Variants in AUTS2 observed in about 807,000 individuals in gnomAD.
The protein encoded by AUTS2 is activator of transcription and developmental regulator AUTS2.
A neutral mutation model predicts 112.4 loss-of-function variants in AUTS2; 17 were observed. The observed-to-expected ratio is 0.15, with a 90% CI of 0.10 to 0.23. AUTS2 has a LOEUF of 0.23. Among genes scored for constraint, AUTS2 ranks in the 10% least tolerant of loss-of-function variants. The probability of loss-of-function intolerance (pLI) is 1.00; values close to 1 mark genes in which losing one functional copy is unlikely to be tolerated. For synonymous variants in AUTS2, 751 were observed against 702.7 expected, an observed-to-expected ratio of 1.07 and a Z score of -1.09; for missense variants, 1,510 against 1,701.6, an observed-to-expected ratio of 0.89 and a Z score of 1.98.
intron 4 of AUTS2, among the ~76,000 whole-genome samples, chr7:70,244,138 GA>G (rs1584924870): frequency 6.6e-6 from 1 of 151,960 alleles, no homozygotes; most frequent in East Asian, 1.9e-4. Context: ...ATAGAAAGAA[GA>G]AAAAGTTATT....
At chr7:70,205,032 ATTGTT>A (rs533797328) in intron 4 of AUTS2, among the ~76,000 whole-genome samples, 40 of 152,020 alleles carry the variant, frequency 2.6e-4, no homozygotes, top group Non-Finnish European at 4.9e-4. Flanking sequence ...AAGTATCTGC[ATTGTT>A]TTGTTTGGTT....
chr7:70,181,469 C>G (rs1809296730), intron 4 of AUTS2, among the ~76,000 whole-genome samples: 1 of 151,614 alleles, frequency 6.6e-6, no homozygotes, highest in Admixed American at 6.6e-5. Context: ...TTTCACAGTT[C>G]TGCTAAAGTT....
chr7:70,407,942 T>C (rs1478483017), intron 4 of AUTS2, among the ~76,000 whole-genome samples: 1 of 151,558 alleles, frequency 6.6e-6, no homozygotes, highest in Non-Finnish European at 1.5e-5. Context: ...TAGTCCCAGC[T>C]ACTCGGGAGG....
At chr7:70,693,757 G>A (rs1025020078) in intron 5 of AUTS2, among the ~76,000 whole-genome samples, 4 of 152,242 alleles carry the variant, frequency 2.6e-5, no homozygotes, top group African/African-American at 9.6e-5. Flanking sequence ...CGGGCCTAGT[G>A]GCCTTTCCCT....
At chr7:69,683,522 A>G (rs371477220) in intron 1 of AUTS2, among the ~76,000 whole-genome samples, 29 of 152,240 alleles carry the variant, frequency 1.9e-4, no homozygotes, top group African/African-American at 6.3e-4. Context: ...CTGTAATACC[A>G]TGATTGTGCC....
At chr7:70,078,699 G>T (rs1467384623) in intron 2 of AUTS2, among the ~76,000 whole-genome samples, 1 of 152,216 alleles carries the variant, frequency 6.6e-6, no homozygotes, top group South Asian at 2.1e-4. Context: ...CCCCTGAAGG[G>T]AGAAAGGAAG....
chr7:70,740,691 A>G (rs918188505), intron 6 of AUTS2, among the ~76,000 whole-genome samples: 6 of 152,098 alleles, frequency 3.9e-5, no homozygotes, highest in African/African-American at 7.2e-5. Context: ...GAATATATAC[A>G]TTTATATTTA....
At chr7:70,282,511 G>A (rs1205156191) in intron 4 of AUTS2, among the ~76,000 whole-genome samples, 1 of 152,030 alleles carries the variant, frequency 6.6e-6, no homozygotes, top group Non-Finnish European at 1.5e-5. Context: ...ATGGTAGAAG[G>A]GGTACACGAG....
intron 1 of AUTS2, among the ~76,000 whole-genome samples, chr7:69,797,954 A>G (rs1789919420): frequency 6.6e-6 from 1 of 152,090 alleles, no homozygotes; most frequent in Non-Finnish European, 1.5e-5. Context: ...CACTCTGGGG[A>G]TCAGGTAACT....
intron 2 of AUTS2, among the ~76,000 whole-genome samples, chr7:70,037,331 T>C (rs1801050328): frequency 6.6e-6 from 1 of 152,214 alleles, no homozygotes; most frequent in Non-Finnish European, 1.5e-5. Context: ...ATGAGGACTA[T>C]AGTGAATCAC....
intron 4 of AUTS2, 54 bp downstream of exon 4, chr7:70,134,625 C>G: frequency 1.3e-6 from 2 of 1,504,974 alleles, no homozygotes; most frequent in South Asian, 1.1e-5. Flanking sequence ...TGATTTCCTT[C>G]TATAATGAAT....
chr7:69,789,175 G>C (rs2129323721), intron 1 of AUTS2, among the ~76,000 whole-genome samples: 1 of 152,248 alleles, frequency 6.6e-6, no homozygotes, highest in South Asian at 2.1e-4. Flanking sequence ...ACAGAGTGCA[G>C]CTAAGCTTTT....
At chr7:70,350,327 A>G (rs148548554) in intron 4 of AUTS2, among the ~76,000 whole-genome samples, 64 of 152,338 alleles carry the variant, frequency 4.2e-4, no homozygotes, top group African/African-American at 1.5e-3. Context: ...TACCAAAATG[A>G]TTACTCTGGG....
At chr7:70,260,997 T>C (rs1406881472) in intron 4 of AUTS2, among the ~76,000 whole-genome samples, 1 of 152,084 alleles carries the variant, frequency 6.6e-6, no homozygotes, top group African/African-American at 2.4e-5. Flanking sequence ...TCCACCCGCC[T>C]CGGGCTCCCA....
intron 1 of AUTS2, among the ~76,000 whole-genome samples, chr7:69,800,926 C>A (rs1005828372): frequency 1.9e-4 from 29 of 152,104 alleles, no homozygotes; most frequent in African/African-American, 6.5e-4. Flanking sequence ...TCTTATATAT[C>A]TTTTAGATAA....
intron 4 of AUTS2, among the ~76,000 whole-genome samples, chr7:70,172,738 C>T (rs942184900): frequency 1.3e-5 from 2 of 152,158 alleles, no homozygotes; most frequent in African/African-American, 4.8e-5. Flanking sequence ...CCTGCCAAAG[C>T]TTTTTGAGAG....
At chr7:70,074,623 A>T (rs1449066101) in intron 2 of AUTS2, among the ~76,000 whole-genome samples, 3 of 152,140 alleles carry the variant, frequency 2.0e-5, no homozygotes, top group Non-Finnish European at 2.9e-5. Context: ...CCACTCCATT[A>T]TACCCTGTCT....
chr7:70,217,047 C>T lies in AUTS2; in HGVS notation c.660+82476C>T, dbSNP rs1011453133. On this transcript the variant is annotated intron_variant, in intron 4 of 18. Transcript: ENST00000342771. Reference sequence around the variant, plus strand: ...GTTTCTGTGGGACGTCTTACATAGGCGTATTTTTTTTTTCCGGCTACTACC... The same window carrying T: ...GTTTCTGTGGGACGTCTTACATAGGTGTATTTTTTTTTTCCGGCTACTACC... Among the ~76,000 whole-genome samples the T allele has an allele frequency of 3.3e-5, 5 of 152,104 alleles. No homozygotes were observed. The East Asian group carries it at 5.8e-4, about 18-fold the overall frequency.
At chr7:70,343,977 A>G (rs1791385100) in intron 4 of AUTS2, among the ~76,000 whole-genome samples, 1 of 152,138 alleles carries the variant, frequency 6.6e-6, no homozygotes, top group South Asian at 2.1e-4. Context: ...TACATCCTCA[A>G]TTCTGGAAAC....
Sources: allele counts gnomAD v4.1 joint callset (sites outside exome capture counted in the v4.1 genomes callset), GRCh38; gene constraint gnomAD v4.1.1; transcripts MANE v1.5; gene names NCBI Gene and HGNC (gene_info 2026-07-23, HGNC 2026-07-21).